LRRC37A: variants seen among roughly 807,000 people sequenced by gnomAD.
The protein encoded by LRRC37A is leucine-rich repeat-containing protein 37A.
LRRC37A carries 3 observed loss-of-function variants against 35.4 expected under a neutral mutation model. The observed-to-expected ratio is 0.08, with a 90% confidence interval of 0.04 to 0.22. LRRC37A has a LOEUF of 0.22. Ranked by LOEUF, LRRC37A falls within the 10% of genes least tolerant of loss-of-function variation. The pLI is 1.00. For missense variants in LRRC37A, 67 were observed against 565.3 expected (o/e 0.12, Z 8.94); for synonymous variants, 23 against 215.0 (o/e 0.11, Z 7.81).
the LRRC37A span, among the ~76,000 whole-genome samples, chr17:46,279,409 C>T: frequency 9.9e-5 from 15 of 151,898 alleles, no homozygotes; most frequent in East Asian, 2.7e-3. Flanking sequence ...GTCTTGAACT[C>T]CCGACCTCAG....
upstream of LRRC37A, among the ~76,000 whole-genome samples, chr17:46,289,589 C>T: frequency 6.6e-6 from 1 of 152,196 alleles, no homozygotes; most frequent in Non-Finnish European, 1.5e-5. Flanking sequence ...GTCTGCCCAC[C>T]TTGGCCTCCC....
the LRRC37A span, among the ~76,000 whole-genome samples, chr17:46,277,248 T>C: frequency 6.6e-6 from 1 of 152,246 alleles, no homozygotes; most frequent in Non-Finnish European, 1.5e-5. Context: ...GCCCCTACAC[T>C]ATGCGGGCCC....
chr17:46,284,635 T>C, the LRRC37A span, among the ~76,000 whole-genome samples: 3 of 152,226 alleles, frequency 2.0e-5, no homozygotes, highest in African/African-American at 7.2e-5. Context: ...TTCTGGGCCC[T>C]ACATGATGAG....
the LRRC37A span, among the ~76,000 whole-genome samples, chr17:46,269,517 C>T: frequency 7.2e-5 from 11 of 152,158 alleles, no homozygotes; most frequent in Non-Finnish European, 1.0e-4. Flanking sequence ...AGCAAAACTC[C>T]GTCTCAAAAA....
intron 10 of LRRC37A, among the ~76,000 whole-genome samples, chr17:46,332,880 G>A (rs1056052): frequency 6.6e-6 from 1 of 151,178 alleles, no homozygotes; most frequent in African/African-American, 2.5e-5. Flanking sequence ...GAAACCAAGT[G>A]AATCCCACTA....
the LRRC37A span, among the ~76,000 whole-genome samples, chr17:46,283,621 G>C: frequency 6.6e-6 from 1 of 152,258 alleles, no homozygotes; most frequent in Non-Finnish European, 1.5e-5. Context: ...TGGTGAAGGG[G>C]TGGGTTGCCC....
chr17:46,290,185 A>G (rs2668652), upstream of LRRC37A, among the ~76,000 whole-genome samples: 17,686 of 148,176 alleles, frequency 0.12, 1 homozygote, highest in Middle Eastern at 0.19. Flanking sequence ...GCTAGAGTAC[A>G]GTGGTGCTAT....
At chr17:46,254,646 A>C in the LRRC37A span, among the ~76,000 whole-genome samples, 1 of 150,550 alleles carries the variant, frequency 6.6e-6, no homozygotes, top group Non-Finnish European at 1.5e-5. Flanking sequence ...GGTTGAAGCG[A>C]TTCTCCTGTC....
At chr17:46,323,844 AACAACAAT>A (rs996966283) in intron 7 of LRRC37A, among the ~76,000 whole-genome samples, 1 of 99,460 alleles carries the variant, frequency 1.0e-5, no homozygotes, top group Non-Finnish European at 2.3e-5. Flanking sequence ...AAATATATAA[AACAACAAT>A]ACAACAATAA....
chr17:46,255,363 CTTT>C, the LRRC37A span, among the ~76,000 whole-genome samples: 1,951 of 123,724 alleles, frequency 0.016, no homozygotes, highest in Middle Eastern at 0.038. Flanking sequence ...TCCCCAAATT[CTTT>C]TTTTTTTTTT....
chr17:46,253,706 C>CCAGCTTCGGCT, the LRRC37A span, among the ~76,000 whole-genome samples: 3 of 131,250 alleles, frequency 2.3e-5, no homozygotes, highest in Admixed American at 2.5e-4. Context: ...GCAGTACAGT[C>CCAGCTTCGGCT]CAGCATCAGA....
At chr17:46,271,886 T>C in the LRRC37A span, among the ~76,000 whole-genome samples, 7 of 152,260 alleles carry the variant, frequency 4.6e-5, no homozygotes, top group Non-Finnish European at 7.4e-5. Context: ...CTCAGCCTCC[T>C]GAGTAGCTGG....
At chr17:46,289,763 C>T (rs1335605321), upstream of LRRC37A, among the ~76,000 whole-genome samples, 3 of 152,178 alleles carry the variant, frequency 2.0e-5, no homozygotes, top group Non-Finnish European at 2.9e-5. Context: ...ACTTAGCCCA[C>T]GTTTCCTTTA....
At chr17:46,262,934 C>T in the LRRC37A span, among the ~76,000 whole-genome samples, 5 of 152,292 alleles carry the variant, frequency 3.3e-5, no homozygotes, top group Non-Finnish European at 7.3e-5. Flanking sequence ...CAAGGAAATC[C>T]GGGTGTGGTA....
At chr17:46,292,310 T>A (rs572903499), upstream of LRRC37A, among the ~76,000 whole-genome samples, 2 of 71,478 alleles carry the variant, frequency 2.8e-5, no homozygotes, top group African/African-American at 7.1e-5. Context: ...CCAGCCTGGG[T>A]GACAGAGCAA....
chr17:46,268,062 A>C, the LRRC37A span, among the ~76,000 whole-genome samples: 1 of 151,624 alleles, frequency 6.6e-6, no homozygotes, highest in Non-Finnish European at 1.5e-5. Context: ...CACTGCGCCC[A>C]GCCCCACTCC....
At chr17:46,261,541 A>ATAATTTATTT in the LRRC37A span, among the ~76,000 whole-genome samples, 21 of 150,870 alleles carry the variant, frequency 1.4e-4, no homozygotes, top group South Asian at 2.1e-4. Context: ...CCTCCCGAGT[A>ATAATTTATTT]GCTGGGATTA....
At chr17:46,323,950 C>A (rs1205027340) in intron 7 of LRRC37A, among the ~76,000 whole-genome samples, 2 of 101,362 alleles carry the variant, frequency 2.0e-5, no homozygotes. Context: ...AGGCTGTATA[C>A]AAACATTATG....
chr17:46,265,284 T>C, the LRRC37A span, among the ~76,000 whole-genome samples: 1 of 108,072 alleles, frequency 9.3e-6, no homozygotes, highest in Non-Finnish European at 2.4e-5. Flanking sequence ...TTCTTCTTCT[T>C]CTTCTTCTTC....
Sources: gnomAD v4.1 joint callset for allele counts (sites outside exome capture counted in the v4.1 genomes callset) on GRCh38, gnomAD v4.1.1 for gene constraint, MANE v1.5 for transcripts, NCBI Gene and HGNC (gene_info 2026-07-23, HGNC 2026-07-21) for gene names.